NR5A1: variants seen among roughly 807,000 people sequenced by gnomAD.
NR5A1 encodes the protein nuclear receptor subfamily 5 group A member 1.
Under a neutral mutation model 42.7 loss-of-function variants are expected in NR5A1, and 6 were observed. The observed-to-expected ratio is 0.14, with a 90% CI of 0.08 to 0.28. The LOEUF is 0.28. NR5A1 is among the 10% of genes least tolerant of loss of function. The probability of loss-of-function intolerance (pLI) is 1.00; values close to 1 mark genes in which losing one functional copy is unlikely to be tolerated. For missense variants in NR5A1, 442 were observed against 626.4 expected (o/e 0.71, Z 3.14); for synonymous variants, 274 against 277.5 (o/e 0.99, Z 0.12).
At chr9:124,489,998 C>A (rs1832280269) in intron 6 of NR5A1, among the ~76,000 whole-genome samples, 1 of 152,174 alleles carries the variant, frequency 6.6e-6, no homozygotes, top group African/African-American at 2.4e-5. Flanking sequence ...CCCACTCCTC[C>A]CTCTCTCTGG....
At chr9:124,491,036 C>CCCCCCAGGGGG (rs1564149487) in intron 6 of NR5A1, 45 bp downstream of exon 6, 21 of 1,401,554 alleles carry the variant, frequency 1.5e-5, no homozygotes, top group Non-Finnish European at 1.6e-5. Context: ...CCCACCCACC[C>CCCCCCAGGGGG]GCCTCTGGCT....
At chr9:124,483,104 G>C in intron 6 of NR5A1, 99 bp from the exon 7 acceptor site, 2 of 1,600,448 alleles carry the variant, frequency 1.2e-6, no homozygotes, top group Non-Finnish European at 1.7e-6. Context: ...CCTTCCCTAT[G>C]ACCATCAAAG....
Position 124,482,457 on chromosome 9 carries a change from GGAGA to G in NR5A1, c.*297_*300del, listed in dbSNP as rs1588613465. 2 of 446,818 alleles carry G rather than the reference GGAGA, an allele frequency of 4.5e-6. No individual in the cohort carries two copies. The highest frequency in any genetic ancestry group is 9.3e-5 in the East Asian group (2 of 21,508). 27.7% of individuals were successfully genotyped at this position (446,818 alleles called of 1,614,324 possible). A position where few individuals can be genotyped will look rare whatever the true frequency, so the allele number is the denominator to read the frequency against. On this transcript the variant is annotated 3_prime_UTR_variant, in exon 7 of 7. Transcript: ENST00000373588. Reference sequence around the variant, plus strand: ...CCGGACCTGCAGGCTTCAGACTCCAGGAGAGAGAGCTGGGAGCAGGGAGGGGGCG... The same window carrying G: ...CCGGACCTGCAGGCTTCAGACTCCAGGAGAGCTGGGAGCAGGGAGGGGGCG...
At position 124,500,174 on chromosome 9, in the gene NR5A1, G is replaced by A. The variant is rs566939634; in HGVS notation, c.786C>T (p.Phe262=). 9 of 1,611,930 alleles carry A rather than the reference G, an allele frequency of 5.6e-6. No individual in the cohort carries two copies. The highest frequency in any genetic ancestry group is 1.7e-4 in the Middle Eastern group (1 of 6,050). ...TKSRPDQPAA[F]GLLCRMADQT... ...GGTCGGCCATTCTGCACAGGAGGCC[G>A]AAGGCCGCCGGCTGGTCGGGGCGGC... The change falls in exon 4 of 7, where the codon TTC becomes TTT. Residue 262 remains phenylalanine (F), a synonymous_variant. Transcript: ENST00000373588. The surrounding 1 kb of genome is among the most constrained non-coding windows in gnomAD (Gnocchi z 6.9).
At chr9:124,483,245 T>C (rs1299023424) in intron 6 of NR5A1, among the ~76,000 whole-genome samples, 1 of 152,224 alleles carries the variant, frequency 6.6e-6, no homozygotes, top group Non-Finnish European at 1.5e-5. Context: ...GTGTTTTTCA[T>C]GAACATGGCC....
intron 1 of NR5A1, among the ~76,000 whole-genome samples, chr9:124,505,943 C>T (rs1294653706): frequency 2.0e-5 from 3 of 151,146 alleles, no homozygotes; most frequent in South Asian, 2.1e-4. Flanking sequence ...GCCTCCGCCC[C>T]CGCTGGCACC....
chr9:124,492,875 A>G (rs1363547457), intron 5 of NR5A1, among the ~76,000 whole-genome samples, 155 bp downstream of exon 5: 1 of 152,162 alleles, frequency 6.6e-6, no homozygotes, highest in Non-Finnish European at 1.5e-5. Flanking sequence ...GGTTTGGGCC[A>G]GTGGGTGTTC....
rs1832415881 is a variant in NR5A1, at chr9:124,498,307, T to A, written c.870+1783A>T. 6.6e-6 allele frequency among the ~76,000 whole-genome samples: 1 copy of A among 152,216 alleles called. No individual in the cohort carries two copies. On this transcript the variant is annotated intron_variant, in intron 4 of 6. Coordinates refer to ENST00000373588, the MANE Select transcript of NR5A1 (RefSeq NM_004959.5). The surrounding 1 kb of genome is among the most constrained non-coding windows in gnomAD (Gnocchi z 4.6). Reference sequence around the variant, plus strand: ...TCTAAGGGCTGGGCTGGTACTTATCTGCAAGGCCCCTTTAGAGAAGCTGGT... The same window carrying A: ...TCTAAGGGCTGGGCTGGTACTTATCAGCAAGGCCCCTTTAGAGAAGCTGGT...
Position 124,489,908 on chromosome 9 carries a change from G to A in NR5A1, c.1138+1173C>T, listed in dbSNP as rs184090714. 1.7e-4 allele frequency among the ~76,000 whole-genome samples: 26 copies of A among 152,160 alleles called. 1 individual carries two copies. The East Asian group carries it at 4.8e-3, about 28-fold the overall frequency. ...CCACTGCACCCAGCCACATGGCATGGAGGATGTCACCAATCCCACCCAAGC... is the reference window on the plus strand; with the variant it reads ...CCACTGCACCCAGCCACATGGCATGAAGGATGTCACCAATCCCACCCAAGC... On this transcript the variant is annotated intron_variant, in intron 6 of 6. Coordinates refer to ENST00000373588, the MANE Select transcript of NR5A1 (RefSeq NM_004959.5).
chr9:124,483,680 C>G (rs904424643), intron 6 of NR5A1, among the ~76,000 whole-genome samples: 1 of 152,234 alleles, frequency 6.6e-6, no homozygotes, highest in Admixed American at 6.5e-5. Flanking sequence ...ATCTCCATGA[C>G]CGTTGCCATC....
chr9:124,505,111 A>AG (rs2131292489), intron 1 of NR5A1, among the ~76,000 whole-genome samples: 1 of 151,962 alleles, frequency 6.6e-6, no homozygotes, highest in East Asian at 2.0e-4. Context: ...GTCCAGCTCG[A>AG]GTCTTCGCCC....
At chr9:124,506,421 G>T (rs1253286740) in intron 1 of NR5A1, among the ~76,000 whole-genome samples, 2 of 152,176 alleles carry the variant, frequency 1.3e-5, no homozygotes, top group East Asian at 1.9e-4. Flanking sequence ...GGAGGTGGGG[G>T]TCACTGCCGC....
At position 124,482,151 on chromosome 9, in the gene NR5A1, G is replaced by A. The variant is rs960748017; in HGVS notation, c.*607C>T. The stretch of plus-strand genomic sequence containing the variant: ...CAATGCCCCCTCTTGCAGAGGTCAG[G>A]TGGGGTAGAAGGGCTAGGGAGAAGG... On this transcript the variant is annotated 3_prime_UTR_variant, in exon 7 of 7. Transcript: ENST00000373588. 3.1e-5 allele frequency: 5 copies of A among 159,486 alleles called. No individual in the cohort carries two copies. The highest frequency in any genetic ancestry group is 1.2e-4 in the African/African-American group (5 of 41,492). 9.9% of individuals were successfully genotyped at this position (159,486 alleles called of 1,614,324 possible).
chr9:124,500,370 T>C lies in NR5A1; in HGVS notation c.590A>G (p.Tyr197Cys). 6.4e-7 allele frequency: 1 copy of C among 1,556,584 alleles called. No homozygotes were observed. The highest frequency in any genetic ancestry group is 8.7e-7 in the Non-Finnish European group (1 of 1,150,692). The change falls in exon 4 of 7, where the codon TAC becomes TGC. Residue 197 changes from tyrosine to cysteine, a missense_variant. Transcript: ENST00000373588. This position sits in a 1 kb window ranked among gnomAD's most constrained non-coding sequence, Gnocchi z 6.9. Reference protein sequence around the residue: ...AFPGRAIKSEYPEPYASPPQP... With the variant: ...AFPGRAIKSECPEPYASPPQP... ...TGGGGGGCTGGCATAAGGCTCCGGG[T>C]ACTCAGACTTGATGGCACGGCCAGG...
rs1832414011 is a variant in NR5A1, at chr9:124,498,151, G to C, written c.870+1939C>G. 6.6e-6 allele frequency among the ~76,000 whole-genome samples: 1 copy of C among 152,152 alleles called. No homozygotes were observed. The highest frequency in any genetic ancestry group is 2.4e-5 in the African/African-American group (1 of 41,420). On this transcript the variant is annotated intron_variant, in intron 4 of 6. Coordinates refer to ENST00000373588, the MANE Select transcript of NR5A1 (RefSeq NM_004959.5). The surrounding 1 kb of genome is among the most constrained non-coding windows in gnomAD (Gnocchi z 4.6). ...AGGTGGGGAAATGAATGATCAGCTA[G>C]AAGAGACGCCGGAGTCACCCACACC...
rs896879749 is a variant in NR5A1, at chr9:124,496,038, T to C, written c.871-2889A>G. ...GATGTATGGGAATCGGTGGACCTGC[T>C]GTTGGTTCTTACGTGGATGCTGCCC... is the stretch of plus-strand genomic sequence containing the variant. On this transcript the variant is annotated intron_variant, in intron 4 of 6. Transcript: ENST00000373588. The surrounding 1 kb of genome is among the most constrained non-coding windows in gnomAD (Gnocchi z 5.0). Among the ~76,000 whole-genome samples the C allele has an allele frequency of 5.3e-5, 8 of 152,220 alleles. No individual in the cohort carries two copies. The highest frequency in any genetic ancestry group is 1.0e-4 in the Non-Finnish European group (7 of 68,032).
intron 6 of NR5A1, 40 bp downstream of exon 6, chr9:124,491,041 C>CCAGGGG: frequency 1.3e-6 from 2 of 1,509,666 alleles, no homozygotes; most frequent in Non-Finnish European, 1.8e-6. Flanking sequence ...CCACCCGCCT[C>CCAGGGG]TGGCTGTCTC....
intron 6 of NR5A1, among the ~76,000 whole-genome samples, chr9:124,489,298 A>C (rs1271084120): frequency 6.6e-6 from 1 of 152,044 alleles, no homozygotes; most frequent in Admixed American, 6.5e-5. Context: ...CCAGGTCAAG[A>C]ACTCTCACCT....
chr9:124,505,410 A>G (rs3814134), intron 1 of NR5A1, among the ~76,000 whole-genome samples: 35,795 of 152,094 alleles, frequency 0.24, 11,931 homozygotes, highest in African/African-American at 0.74. Context: ...CATGGGGCCC[A>G]CCACATCTCC....
Sources: allele counts gnomAD v4.1 joint callset (sites outside exome capture counted in the v4.1 genomes callset), GRCh38; gene constraint gnomAD v4.1.1; non-coding constraint Gnocchi (gnomAD v3.1); transcripts MANE v1.5; gene names NCBI Gene and HGNC (gene_info 2026-07-23, HGNC 2026-07-21).